The following DENND5B variants were observed in gnomAD, a reference collection of about 807,000 sequenced individuals.
The protein encoded by DENND5B is DENN domain-containing protein 5B.
Under a neutral mutation model 140.6 loss-of-function variants are expected in DENND5B, and 34 were observed. The observed-to-expected ratio is 0.24, with a 90% CI of 0.18 to 0.32. The LOEUF is 0.32. DENND5B is among the 10% of genes least tolerant of loss of function. DENND5B has a pLI of 1.00. For synonymous variants in DENND5B, 551 were observed against 562.1 expected, an observed-to-expected ratio of 0.98 and a Z score of 0.28; for missense variants, 1,142 against 1,560.2, an observed-to-expected ratio of 0.73 and a Z score of 4.52.
At chr12:31,531,669 A>T (rs1227673108) in intron 1 of DENND5B, among the ~76,000 whole-genome samples, 1 of 152,192 alleles carries the variant, frequency 6.6e-6, no homozygotes, top group Non-Finnish European at 1.5e-5. Context: ...GCATCATGCT[A>T]TTGTGGCTAT....
chr12:31,546,162 T>C (rs974355758), intron 1 of DENND5B, among the ~76,000 whole-genome samples: 3 of 152,024 alleles, frequency 2.0e-5, no homozygotes, highest in Non-Finnish European at 4.4e-5. Context: ...AAACTATATA[T>C]ATATGCTATA....
chr12:31,534,444 T>C (rs757156721), intron 1 of DENND5B, among the ~76,000 whole-genome samples: 7 of 152,152 alleles, frequency 4.6e-5, no homozygotes, highest in African/African-American at 1.7e-4. Context: ...CCTCCCAAAG[T>C]CATGTCAAGT....
intron 2 of DENND5B, among the ~76,000 whole-genome samples, chr12:31,490,896 G>A (rs1273252700): frequency 1.3e-5 from 2 of 152,024 alleles, no homozygotes; most frequent in African/African-American, 4.8e-5. Context: ...TATAAAGTAA[G>A]AGCTTTATAA....
At chr12:31,482,324 C>T (rs1031341898) in intron 2 of DENND5B, among the ~76,000 whole-genome samples, 3 of 152,150 alleles carry the variant, frequency 2.0e-5, no homozygotes, top group African/African-American at 7.2e-5. Flanking sequence ...ACTTGACAAT[C>T]CCATCAAGAT....
At chr12:31,424,382 T>A (rs1285940808) in intron 10 of DENND5B, among the ~76,000 whole-genome samples, 153 bp downstream of exon 10, 1 of 152,182 alleles carries the variant, frequency 6.6e-6, no homozygotes, top group Non-Finnish European at 1.5e-5. Context: ...GGGTTATATT[T>A]TCTTTTTCTG....
intron 6 of DENND5B, among the ~76,000 whole-genome samples, chr12:31,445,841 CTACAAAAAA>C (rs1944251371): frequency 6.6e-6 from 1 of 151,882 alleles, no homozygotes. Flanking sequence ...AACCCTGTCT[CTACAAAAAA>C]TACAAAAAAT....
Position 31,590,922 on chromosome 12 carries a change from G to A in DENND5B, c.-90C>T. Reference sequence around the variant, plus strand: ...CACCACCGCTCCGGCTGTGGTCTGTGCGCCCGCCCTAGGGCGACACTGGCG... The same window carrying A: ...CACCACCGCTCCGGCTGTGGTCTGTACGCCCGCCCTAGGGCGACACTGGCG... On this transcript the variant is annotated 5_prime_UTR_variant, in exon 1 of 21. Coordinates refer to ENST00000389082, the MANE Select transcript of DENND5B (RefSeq NM_144973.4). 8.8e-7 allele frequency: 1 copy of A among 1,141,738 alleles called. No homozygotes were observed. The highest frequency in any genetic ancestry group is 1.1e-6 in the Non-Finnish European group (1 of 930,838). The allele number at this position is 1,141,738 out of a possible 1,614,324, so 70.7% of individuals were successfully genotyped here.
chr12:31,571,635 T>C (rs1949826235), intron 1 of DENND5B, among the ~76,000 whole-genome samples: 1 of 152,204 alleles, frequency 6.6e-6, no homozygotes, highest in African/African-American at 2.4e-5. Context: ...TTTTGTTTTT[T>C]TGAGACGGAG....
At chr12:31,509,359 G>A (rs915463746) in intron 1 of DENND5B, among the ~76,000 whole-genome samples, 7 of 152,148 alleles carry the variant, frequency 4.6e-5, no homozygotes, top group East Asian at 1.9e-4. Context: ...GGCAGCTCAC[G>A]CCTATAATCC....
chr12:31,582,027 C>A (rs190984169), intron 1 of DENND5B, among the ~76,000 whole-genome samples: 1 of 152,180 alleles, frequency 6.6e-6, no homozygotes, highest in East Asian at 1.9e-4. Flanking sequence ...ACAAAAAACA[C>A]GTACATGCAA....
At chr12:31,496,300 A>AT (rs1217669310) in intron 1 of DENND5B, among the ~76,000 whole-genome samples, 1 of 152,190 alleles carries the variant, frequency 6.6e-6, no homozygotes, top group Non-Finnish European at 1.5e-5. Flanking sequence ...TGATCCTAAA[A>AT]TTTTATACAC....
At chr12:31,483,442 CT>C (rs879396478) in intron 2 of DENND5B, among the ~76,000 whole-genome samples, 3,843 of 144,864 alleles carry the variant, frequency 0.027, 137 homozygotes, top group African/African-American at 0.083. Flanking sequence ...TAGTATACAT[CT>C]TTTTTTTTTT....
At chr12:31,392,108 C>T (rs892239897) in intron 19 of DENND5B, among the ~76,000 whole-genome samples, 159 bp downstream of exon 19, 3 of 148,918 alleles carry the variant, frequency 2.0e-5, no homozygotes, top group African/African-American at 7.4e-5. Context: ...CACTGCACTC[C>T]AGCTTGGGCA....
intron 14 of DENND5B, among the ~76,000 whole-genome samples, chr12:31,403,450 G>A (rs1322720613): frequency 3.3e-5 from 5 of 150,942 alleles, no homozygotes; most frequent in East Asian, 1.9e-4. Flanking sequence ...AAAATTAGCC[G>A]GGTGTGGTGG....
At chr12:31,423,070 A>T (rs1411854901) in intron 11 of DENND5B, among the ~76,000 whole-genome samples, 3 of 151,306 alleles carry the variant, frequency 2.0e-5, no homozygotes, top group Non-Finnish European at 4.4e-5. Flanking sequence ...CCTCCCCAGT[A>T]GCTGGGACTA....
intron 1 of DENND5B, among the ~76,000 whole-genome samples, chr12:31,554,204 G>A (rs61932467): frequency 3.8e-4 from 53 of 140,984 alleles, no homozygotes; most frequent in South Asian, 9.2e-4. Context: ...GCTGGTACCG[G>A]TTGTTCCTTT....
rs1286147905 is a variant in DENND5B, at chr12:31,387,066, A to G, written c.*537T>C. On this transcript the variant is annotated 3_prime_UTR_variant, in exon 21 of 21. Coordinates refer to ENST00000389082, the MANE Select transcript of DENND5B (RefSeq NM_144973.4). Reference sequence around the variant, plus strand: ...GATTCAAATATATAAAACAGTTTGTAACTTAAAAGATAGAAGTGAAGACTA... The same window carrying G: ...GATTCAAATATATAAAACAGTTTGTGACTTAAAAGATAGAAGTGAAGACTA... 3 of 152,240 alleles carry G rather than the reference A, an allele frequency of 2.0e-5. No homozygotes were observed. Among genetic ancestry groups the G allele is most frequent in the Admixed American group, 2.0e-4 (3 of 15,268 alleles). 9.4% of individuals were successfully genotyped at this position (152,240 alleles called of 1,614,324 possible). A position where few individuals can be genotyped will look rare whatever the true frequency, so the allele number is the denominator to read the frequency against.
intron 1 of DENND5B, among the ~76,000 whole-genome samples, chr12:31,559,164 C>T (rs1325134467): frequency 6.6e-6 from 1 of 152,116 alleles, no homozygotes; most frequent in African/African-American, 2.4e-5. Context: ...AACAGTCAGT[C>T]TTCGGTCTAT....
Position 31,551,139 on chromosome 12 carries a change from TG to T in DENND5B, c.127+39566del, listed in dbSNP as rs1221106880. On this transcript the variant is annotated intron_variant, in intron 1 of 20. Transcript: ENST00000389082. ...GTTTTAGACATGAAGTCCTTGCCCATGCCTATGTCCTGAATGGTATTGCCTA... is the reference window on the plus strand; with the variant it reads ...GTTTTAGACATGAAGTCCTTGCCCATCCTATGTCCTGAATGGTATTGCCTA... Among the ~76,000 whole-genome samples, 1,462 of 152,242 alleles carry T rather than the reference TG, an allele frequency of 9.6e-3. 26 individuals carry two copies. The highest frequency in any genetic ancestry group is 0.033 in the African/African-American group (1,386 of 41,564).
Sources: gnomAD v4.1 joint callset for allele counts (sites outside exome capture counted in the v4.1 genomes callset) on GRCh38, gnomAD v4.1.1 for gene constraint, MANE v1.5 for transcripts, NCBI Gene and HGNC (gene_info 2026-07-23, HGNC 2026-07-21) for gene names.